PTPRD: variants seen among roughly 807,000 people sequenced by gnomAD.
PTPRD encodes protein tyrosine phosphatase receptor type D.
A neutral mutation model predicts 214.5 loss-of-function variants in PTPRD; 34 were observed. That is an observed-to-expected ratio of 0.16 (90% CI 0.12 to 0.21). PTPRD has a LOEUF of 0.21. Ranked by LOEUF, PTPRD falls within the 10% of genes least tolerant of loss-of-function variation. PTPRD has a pLI of 1.00. For synonymous variants in PTPRD, 1,128 were observed against 845.7 expected (o/e 1.33, Z -5.79); for missense variants, 2,545 against 2,398.7 (o/e 1.06, Z -1.27).
intron 2 of PTPRD, among the ~76,000 whole-genome samples, chr9:10,542,830 T>A (rs1380100041): frequency 6.6e-6 from 1 of 152,184 alleles, no homozygotes; most frequent in Non-Finnish European, 1.5e-5. Context: ...GCAATTCTCC[T>A]GCCTCAGTCT....
intron 8 of PTPRD, among the ~76,000 whole-genome samples, chr9:9,480,790 A>C (rs1048143968): frequency 6.6e-5 from 10 of 152,124 alleles, no homozygotes; most frequent in Non-Finnish European, 1.5e-4. Flanking sequence ...ATTAGAGAAA[A>C]ATAAAAAGCA....
At chr9:8,353,348 T>C (rs1394177526) in intron 39 of PTPRD, among the ~76,000 whole-genome samples, 1 of 152,178 alleles carries the variant, frequency 6.6e-6, no homozygotes, top group African/African-American at 2.4e-5. Context: ...CTGTTATGGC[T>C]TCTGATCCGG....
intron 3 of PTPRD, among the ~76,000 whole-genome samples, chr9:10,245,516 C>T (rs2091934145): frequency 6.6e-6 from 1 of 152,146 alleles, no homozygotes; most frequent in Non-Finnish European, 1.5e-5. Flanking sequence ...AAGGTGGCCC[C>T]ACAAGCACTA....
At chr9:9,569,936 T>A (rs188645716) in intron 8 of PTPRD, among the ~76,000 whole-genome samples, 15 of 151,664 alleles carry the variant, frequency 9.9e-5, no homozygotes, top group Admixed American at 3.3e-4. Context: ...AGGTGAGGCA[T>A]TTTGTAACAA....
chr9:8,818,965 C>T (rs2096982280), intron 11 of PTPRD, among the ~76,000 whole-genome samples: 1 of 152,154 alleles, frequency 6.6e-6, no homozygotes, highest in Non-Finnish European at 1.5e-5. Flanking sequence ...AACGACATAG[C>T]ACTCTAGTCC....
chr9:8,575,138 C>G (rs778392994), intron 14 of PTPRD, among the ~76,000 whole-genome samples: 2 of 152,030 alleles, frequency 1.3e-5, no homozygotes, highest in African/African-American at 2.4e-5. Context: ...AGACTTCTGA[C>G]CTTCTACTTA....
intron 3 of PTPRD, among the ~76,000 whole-genome samples, chr9:10,224,676 A>G (rs2099582954): frequency 6.6e-6 from 1 of 151,924 alleles, no homozygotes; most frequent in Non-Finnish European, 1.5e-5. Context: ...GAACATCATG[A>G]GTTTGAAATG....
At chr9:10,456,930 A>G (rs536816115) in intron 2 of PTPRD, among the ~76,000 whole-genome samples, 1 of 152,022 alleles carries the variant, frequency 6.6e-6, no homozygotes, top group South Asian at 2.1e-4. Flanking sequence ...TAGGAATATG[A>G]AGCACATTTT....
chr9:9,425,030 T>C (rs2080288076), intron 8 of PTPRD, among the ~76,000 whole-genome samples: 1 of 152,192 alleles, frequency 6.6e-6, no homozygotes, highest in South Asian at 2.1e-4. Flanking sequence ...GTTCTTAGTT[T>C]AAGCTTACCA....
chr9:9,389,659 G>T (rs1452348715), intron 9 of PTPRD, among the ~76,000 whole-genome samples: 1 of 152,148 alleles, frequency 6.6e-6, no homozygotes, highest in Non-Finnish European at 1.5e-5. Flanking sequence ...GTATTATGCT[G>T]TAAAGAAAAC....
At chr9:9,812,522 G>C (rs2047455720) in intron 5 of PTPRD, among the ~76,000 whole-genome samples, 1 of 151,306 alleles carries the variant, frequency 6.6e-6, no homozygotes, top group African/African-American at 2.4e-5. Flanking sequence ...GGAAGCAGTA[G>C]TACTTATATG....
rs781477510 is a variant in PTPRD at position 8,389,295 on chromosome 9, T to G, written c.4323A>C (p.Arg1441Ser). 1.4e-5 allele frequency: 23 copies of G among 1,613,074 alleles called. No individual in the cohort carries two copies. Among genetic ancestry groups the G allele is most frequent in the Non-Finnish European group, 1.9e-5 (22 of 1,179,456 alleles). The change falls in exon 37 of 46, where the codon AGA (arginine) becomes AGC (serine). Residue 1441 changes from arginine to serine, a missense_variant. By Grantham distance (110) the Arg-to-Ser change is moderately radical. Coordinates refer to ENST00000381196, the MANE Select transcript of PTPRD (RefSeq NM_002839.4). ...SLPETFGDFWRMIWEQRSATV... is the reference protein window; with the variant it reads ...SLPETFGDFWSMIWEQRSATV... ...TGGCACTCCGTTGTTCCCATATCAT[T>G]CTCCAAAAGTCCCCAAATGTTTCGG...
intron 9 of PTPRD, among the ~76,000 whole-genome samples, chr9:9,336,506 T>C (rs2044539269): frequency 6.6e-6 from 1 of 152,112 alleles, no homozygotes; most frequent in Admixed American, 6.6e-5. Flanking sequence ...CCAGGACCAA[T>C]TTCCATGCCC....
At chr9:9,559,996 T>G (rs1489194867) in intron 8 of PTPRD, among the ~76,000 whole-genome samples, 1 of 152,218 alleles carries the variant, frequency 6.6e-6, no homozygotes, top group African/African-American at 2.4e-5. Context: ...AGTCCACATG[T>G]GGCTCCGGTT....
chr9:9,633,008 T>C (rs1198610340), intron 7 of PTPRD, among the ~76,000 whole-genome samples: 2 of 151,456 alleles, frequency 1.3e-5, no homozygotes, highest in Non-Finnish European at 2.9e-5. Flanking sequence ...TTAGAAAGAG[T>C]AGCTGGCTAG....
In PTPRD at chr9:8,486,111, G is replaced by C; in HGVS notation, c.2706C>G (p.Gly902=). 3 of 1,614,170 alleles carry C rather than the reference G, an allele frequency of 1.9e-6. No individual in the cohort carries two copies. The South Asian group carries it at 3.3e-5, about 18-fold the overall frequency. Residue 902 remains glycine (G), a synonymous_variant, in exon 28 of 46, where the codon GGC becomes GGG. Transcript: ENST00000381196. ...TCTCCTTCACCATCTCCTCCCCAAAGCCCACTTTGTTTCTGGCTGAGAGCC... is the reference window on the plus strand; with the variant it reads ...TCTCCTTCACCATCTCCTCCCCAAACCCCACTTTGTTTCTGGCTGAGAGCC... ...VFRLSARNKV[G]FGEEMVKEIS... is the part of the protein sequence containing the mutation.
At chr9:9,511,198 TTA>T (rs1253127927) in intron 8 of PTPRD, among the ~76,000 whole-genome samples, 1 of 151,782 alleles carries the variant, frequency 6.6e-6, no homozygotes, top group African/African-American at 2.4e-5. Flanking sequence ...TGAAAAATAT[TTA>T]TGACTATGTA....
chr9:10,323,485 T>C (rs2096591638), intron 3 of PTPRD, among the ~76,000 whole-genome samples: 1 of 151,102 alleles, frequency 6.6e-6, no homozygotes, highest in Admixed American at 6.6e-5. Flanking sequence ...TTTATGTATT[T>C]ATTAGAGACA....
At chr9:10,420,522 T>C (rs2098536280) in intron 2 of PTPRD, among the ~76,000 whole-genome samples, 1 of 151,808 alleles carries the variant, frequency 6.6e-6, no homozygotes, top group Non-Finnish European at 1.5e-5. Context: ...TTTTGGTTTA[T>C]TTGTTTTTAT....
Sources: gnomAD v4.1 joint callset for allele counts (sites outside exome capture counted in the v4.1 genomes callset) on GRCh38, gnomAD v4.1.1 for gene constraint, MANE v1.5 for transcripts, NCBI Gene and HGNC (gene_info 2026-07-23, HGNC 2026-07-21) for gene names.